The following FAM83E variants were observed in gnomAD, a reference collection of about 807,000 sequenced individuals.
The protein encoded by FAM83E is protein FAM83E.
A neutral mutation model predicts 34.3 loss-of-function variants in FAM83E; 29 were observed. The ratio of observed to expected loss-of-function variants is 0.85; its 90% CI spans 0.63 to 1.15. The LOEUF is 1.15. FAM83E is among the 50% of genes most tolerant of loss of function. The pLI is 0.00. For missense variants in FAM83E, 697 were observed against 685.0 expected (o/e 1.02, Z -0.20); for synonymous variants, 312 against 311.6 (o/e 1.00, Z -0.01).
Position 48,600,038 on chromosome 19 carries a change from A to G in FAM83E, c.*1071T>C, listed in dbSNP as rs1192266701. The stretch of plus-strand genomic sequence containing the variant: ...AGACCCGCCCTCTCAGCGCCCACAG[A>G]AAGTCCCACCACCCACCCTGTTCCC... On this transcript the variant is annotated 3_prime_UTR_variant, in exon 7 of 7. Transcript: ENST00000263266. Among the ~76,000 whole-genome samples, 4 of 152,300 alleles carry G rather than the reference A, an allele frequency of 2.6e-5. No individual in the cohort carries two copies. In the East Asian group the frequency reaches 7.7e-4, roughly 29 times the overall value.
Position 48,610,005 on chromosome 19 carries a change from T to C in FAM83E, c.634-5A>G, listed in dbSNP as rs1456366024. ...CACGACACGGACATCCACGTTCTGTTGGTGTGGGGAGTGGAGGGTACACCC... is the reference window on the plus strand; with the variant it reads ...CACGACACGGACATCCACGTTCTGTCGGTGTGGGGAGTGGAGGGTACACCC... On this transcript the variant is annotated splice_region_variant and splice_polypyrimidine_tract_variant and intron_variant, in intron 4 of 6. Transcript: ENST00000263266. 3.1e-6 allele frequency: 5 copies of C among 1,610,768 alleles called. No homozygotes were observed. Among genetic ancestry groups the C allele is most frequent in the South Asian group, 1.1e-5 (1 of 91,044 alleles).
chr19:48,602,703 AAATATATATATATATATATATATAT>A lies in FAM83E; in HGVS notation c.1176+766_1176+790del, dbSNP rs1303948410. Among the ~76,000 whole-genome samples the A allele has an allele frequency of 8.9e-5, 4 of 44,850 alleles. 1 individual carries two copies. The highest frequency in any genetic ancestry group is 1.3e-3 in the East Asian group (2 of 1,558). The allele number at this position is 44,850 out of a possible 152,430, so 29.4% of individuals were successfully genotyped here. On this transcript the variant is annotated intron_variant, in intron 6 of 6. Coordinates refer to ENST00000263266, the MANE Select transcript of FAM83E (RefSeq NM_017708.4). ...CCCTATCTCAAAAAAAAAAAAAAAA[AAATATATATATATATATATATATAT>A]ATATATATATATATATATATATATA...
At chr19:48,609,524 G>A (rs1038192663) in intron 5 of FAM83E, among the ~76,000 whole-genome samples, 5 of 151,918 alleles carry the variant, frequency 3.3e-5, no homozygotes, top group Admixed American at 2.6e-4. Context: ...CACCATGTCC[G>A]GGCATTTTCT....
At chr19:48,602,386 G>A (rs540745087) in intron 6 of FAM83E, among the ~76,000 whole-genome samples, 1 of 151,302 alleles carries the variant, frequency 6.6e-6, no homozygotes, top group Non-Finnish European at 1.5e-5. Context: ...GGTGTGGGGA[G>A]CCCGAGAGGG....
At position 48,601,178 on chromosome 19, in the gene FAM83E, T is replaced by G. The variant is rs1973804819; in HGVS notation, c.1368A>C (p.Lys456Asn). The change falls in exon 7 of 7, where the codon AAA (lysine) becomes AAC (asparagine). Residue 456 changes from lysine (K) to asparagine (N), a missense_variant. Physicochemically the swap from Lys to Asn is moderately conservative, Grantham distance 94. Transcript: ENST00000263266. ...GCCTGACGCCTCTGGGCTCTTGAAG[T>G]TTGAATGTAGCATCCCCACCGAACC... The part of the protein sequence containing the change: ...RRRFGGDATF[K>N]LQEPRGVRPS... 6.2e-7 allele frequency: 1 copy of G among 1,612,798 alleles called. No homozygotes were observed. Among genetic ancestry groups the G allele is most frequent in the East Asian group, 2.2e-5 (1 of 44,796 alleles).
chr19:48,613,667 C>G lies in FAM83E; in HGVS notation c.-295G>C. The G allele has an allele frequency of 7.8e-7, 1 of 1,275,832 alleles. No homozygotes were observed. Among genetic ancestry groups the G allele is most frequent in the Non-Finnish European group, 9.9e-7 (1 of 1,007,008 alleles). The allele number at this position is 1,275,832 out of a possible 1,614,324, so 79.0% of individuals were successfully genotyped here. On this transcript the variant is annotated 5_prime_UTR_variant, in exon 3 of 7. Coordinates refer to ENST00000263266, the MANE Select transcript of FAM83E (RefSeq NM_017708.4). ...GCCTGGCTGGCCTTCCGTGACCTTC[C>G]TGCCAGCCGTCTCTGCTGGTCAGGT...
At chr19:48,608,867 T>C (rs1214768577) in intron 5 of FAM83E, among the ~76,000 whole-genome samples, 2 of 151,842 alleles carry the variant, frequency 1.3e-5, no homozygotes, top group Non-Finnish European at 2.9e-5. Context: ...ATCTGCGCTG[T>C]CTGGAGAGGT....
rs774623582 is a variant in FAM83E, at chr19:48,613,049, C to T, written c.324G>A (p.Pro108=). 30 of 1,602,688 alleles carry T rather than the reference C, an allele frequency of 1.9e-5. No homozygotes were observed. Among genetic ancestry groups the T allele is most frequent in the East Asian group, 2.3e-5 (1 of 44,342 alleles). ...LSYWPGQSEQ[P]APVLRLGWPV... ...GCCAGCCCAGCCGCAGGACGGGCGC[C>T]GGCTGCTCCGACTGCCCAGGCCAGT... The change falls in exon 3 of 7, where the codon CCG becomes CCA. Residue 108 remains proline, a synonymous_variant. Coordinates refer to ENST00000263266, the MANE Select transcript of FAM83E (RefSeq NM_017708.4).
chr19:48,614,904 G>A, intron 1 of FAM83E, 33 bp downstream of exon 1: 1 of 561,480 alleles, frequency 1.8e-6, no homozygotes. Flanking sequence ...CCCTGGAGGA[G>A]GTCCGGGGGT....
At chr19:48,609,265 C>CTTTTTTTTTTTTTTTT (rs869031073) in intron 5 of FAM83E, among the ~76,000 whole-genome samples, 47 of 99,706 alleles carry the variant, frequency 4.7e-4, no homozygotes, top group Non-Finnish European at 7.4e-4. Context: ...TTCTTTCTTT[C>CTTTTTTTTTTTTTTTT]TTTTTTTTTT....
chr19:48,613,949 T>C lies in FAM83E; in HGVS notation c.-577A>G. The C allele has an allele frequency of 1.0e-6, 1 of 985,300 alleles. No homozygotes were observed. The highest frequency in any genetic ancestry group is 1.2e-6 in the Non-Finnish European group (1 of 829,916). 61.0% of individuals were successfully genotyped at this position (985,300 alleles called of 1,614,324 possible). On this transcript the variant is annotated 5_prime_UTR_variant, in exon 3 of 7. Transcript: ENST00000263266. ...GAGCACGACGAACTGACCCTCTCCT[T>C]CCACTGTCTGGCAAACGCCAATGGC...
chr19:48,611,559 T>C (rs1291034816), intron 3 of FAM83E, among the ~76,000 whole-genome samples: 1 of 149,712 alleles, frequency 6.7e-6, no homozygotes, highest in Non-Finnish European at 1.5e-5. Flanking sequence ...CTTCGGCCTC[T>C]GGGACTCAAG....
chr19:48,605,828 G>C (rs1293216610), intron 5 of FAM83E, among the ~76,000 whole-genome samples: 2 of 151,906 alleles, frequency 1.3e-5, no homozygotes, highest in African/African-American at 2.4e-5. Flanking sequence ...TGGGATTACA[G>C]GCGTGAGCCA....
chr19:48,604,506 A>AT (rs1005035270), intron 5 of FAM83E, among the ~76,000 whole-genome samples: 9 of 150,048 alleles, frequency 6.0e-5, no homozygotes, highest in Non-Finnish European at 1.2e-4. Flanking sequence ...AATTTTTTGT[A>AT]TTTTTAGTAG....
intron 5 of FAM83E, chr19:48,607,156 G>A: frequency 6.2e-7 from 1 of 1,612,946 alleles, no homozygotes; most frequent in Non-Finnish European, 8.5e-7. Flanking sequence ...CACTGGTCCG[G>A]TCATCAACAA....
chr19:48,608,122 C>G (rs1973969522), intron 5 of FAM83E, among the ~76,000 whole-genome samples: 1 of 151,972 alleles, frequency 6.6e-6, no homozygotes, highest in African/African-American at 2.4e-5. Flanking sequence ...CTCTCTTTTT[C>G]TTTTTGAAAC....
chr19:48,602,940 C>T (rs750646068), intron 6 of FAM83E, among the ~76,000 whole-genome samples: 5 of 149,766 alleles, frequency 3.3e-5, no homozygotes, highest in Non-Finnish European at 7.4e-5. Context: ...CAACCGCCGC[C>T]TCCCTGGCTC....
At chr19:48,610,026 C>T (rs1355582804) in intron 4 of FAM83E, 26 bp from the exon 5 acceptor site, 1 of 1,605,888 alleles carries the variant, frequency 6.2e-7, no homozygotes, top group Non-Finnish European at 8.5e-7. Flanking sequence ...GTGGAGGGTA[C>T]ACCCTTGCTG....
In FAM83E at chr19:48,600,922, G is replaced by A; in HGVS notation, c.*187C>T. 2.3e-6 allele frequency: 3 copies of A among 1,307,364 alleles called. No individual in the cohort carries two copies. The highest frequency in any genetic ancestry group is 3.0e-6 in the Non-Finnish European group (3 of 1,004,758). 81.0% of individuals were successfully genotyped at this position (1,307,364 alleles called of 1,614,324 possible). A position where few individuals can be genotyped will look rare whatever the true frequency, so the allele number is the denominator to read the frequency against. The stretch of plus-strand genomic sequence containing the variant: ...CCCACCTTAGCCTCCCAAAGTGCAG[G>A]GATTACAGGCATGAGCCACCACTCC... On this transcript the variant is annotated 3_prime_UTR_variant, in exon 7 of 7. Transcript: ENST00000263266.
Sources: gnomAD v4.1 joint callset for allele counts (sites outside exome capture counted in the v4.1 genomes callset) on GRCh38, gnomAD v4.1.1 for gene constraint, MANE v1.5 for transcripts, NCBI Gene and HGNC (gene_info 2026-07-23, HGNC 2026-07-21) for gene names.